BRDT: variants seen among roughly 807,000 people sequenced by gnomAD.
BRDT encodes bromodomain testis associated.
In BRDT, 77 loss-of-function variants were observed where a neutral mutation model predicts 113.9. That is an observed-to-expected ratio of 0.68 (90% CI 0.56 to 0.82). BRDT has a LOEUF of 0.82. BRDT is among the 40% of genes least tolerant of loss of function. BRDT has a pLI of 0.00. For missense variants in BRDT, 1,027 were observed against 1,105.4 expected (o/e 0.93, Z 1.01); for synonymous variants, 358 against 366.5 (o/e 0.98, Z 0.26).
chr1:91,976,295 G>A lies in BRDT; in HGVS notation c.475G>A (p.Ala159Thr), dbSNP rs1684135081. 1 of 1,609,702 alleles carries A rather than the reference G, an allele frequency of 6.2e-7. No homozygotes were observed. The highest frequency in any genetic ancestry group is 8.5e-7 in the Non-Finnish European group (1 of 1,178,676). ...GTQQNIAVSS[A>T]KEKSSPSATE... ...TCAACAGAATATAGCTGTTTCTTCT[G>A]CTAAAGAAAAATCATCACCCAGCGC... is the stretch of plus-strand genomic sequence containing the variant. The change falls in exon 5 of 19, where the codon GCT becomes ACT. Residue 159 changes from alanine (A) to threonine (T), a missense_variant. Physicochemically the swap from Ala to Thr is moderately conservative, Grantham distance 58. Transcript: ENST00000399546.
At chr1:91,982,788 G>T (rs754313127) in intron 12 of BRDT, among the ~76,000 whole-genome samples, 22 of 152,108 alleles carry the variant, frequency 1.4e-4, no homozygotes, top group Non-Finnish European at 2.8e-4. Flanking sequence ...AGAATAAACA[G>T]AATTTTTACT....
intron 18 of BRDT, among the ~76,000 whole-genome samples, chr1:92,009,279 T>G (rs1415938646): frequency 6.6e-6 from 1 of 152,202 alleles, no homozygotes; most frequent in Non-Finnish European, 1.5e-5. Context: ...CCTATGTTGT[T>G]GAAAATGATG....
At chr1:91,968,285 T>C in intron 4 of BRDT, 25 bp downstream of exon 4, 3 of 1,609,370 alleles carry the variant, frequency 1.9e-6, no homozygotes, top group Non-Finnish European at 2.5e-6. Context: ...AAACACTTTA[T>C]GGTTCTCTCT....
intron 8 of BRDT, among the ~76,000 whole-genome samples, chr1:91,980,288 A>G (rs1684591210): frequency 6.6e-6 from 1 of 150,396 alleles, no homozygotes; most frequent in East Asian, 2.0e-4. Flanking sequence ...TGAGCTTAGG[A>G]GGTTGAGGCT....
intron 2 of BRDT, among the ~76,000 whole-genome samples, chr1:91,964,127 C>T (rs1682806827): frequency 6.6e-6 from 1 of 152,184 alleles, no homozygotes; most frequent in Admixed American, 6.5e-5. Flanking sequence ...GTGGCACAAT[C>T]TTGGCTCACT....
chr1:91,965,086 C>CT (rs1340923155), intron 3 of BRDT, among the ~76,000 whole-genome samples: 3 of 151,226 alleles, frequency 2.0e-5, no homozygotes, highest in Non-Finnish European at 3.0e-5. Flanking sequence ...TTTTTTGTAT[C>CT]TTTTTTTAGT....
At chr1:91,960,036 A>G (rs982531022) in intron 1 of BRDT, among the ~76,000 whole-genome samples, 10 of 149,926 alleles carry the variant, frequency 6.7e-5, no homozygotes, top group Admixed American at 5.9e-4. Context: ...TAGTATTAAA[A>G]CAAAACAAAA....
intron 1 of BRDT, among the ~76,000 whole-genome samples, chr1:91,961,806 G>T (rs1682477806): frequency 6.6e-6 from 1 of 151,910 alleles, no homozygotes; most frequent in Non-Finnish European, 1.5e-5. Flanking sequence ...TTCCTGCTAA[G>T]ACCTCAATTT....
At chr1:91,992,064 T>C (rs1367064752) in intron 13 of BRDT, among the ~76,000 whole-genome samples, 200 bp from the exon 14 acceptor site, 2 of 149,724 alleles carry the variant, frequency 1.3e-5, no homozygotes, top group Non-Finnish European at 3.0e-5. Context: ...CTAGCTCAAG[T>C]TGTCATCCTC....
rs1342424983 is a variant in BRDT at position 91,961,459 on chromosome 1, GTC to G, written c.-37-1255_-37-1254del. On this transcript the variant is annotated intron_variant, in intron 1 of 18. Coordinates refer to ENST00000399546, the MANE Select transcript of BRDT (RefSeq NM_207189.4). Reference sequence around the variant, plus strand: ...AGCCGGGCCAACATGTTGAAACCCTGTCTCTACAAAAAAATACAAAAATTAGC... The same window carrying G: ...AGCCGGGCCAACATGTTGAAACCCTGTCTACAAAAAAATACAAAAATTAGC... Among the ~76,000 whole-genome samples the G allele has an allele frequency of 1.6e-4, 25 of 152,080 alleles. 1 individual carries two copies. Among genetic ancestry groups the G allele is most frequent in the Non-Finnish European group, 3.5e-4 (24 of 68,016 alleles).
intron 15 of BRDT, among the ~76,000 whole-genome samples, chr1:91,999,873 C>T (rs180826041): frequency 2.0e-5 from 3 of 152,228 alleles, no homozygotes; most frequent in Admixed American, 1.3e-4. Flanking sequence ...CCCTTTTAGT[C>T]CTCAGATTGT....
intron 4 of BRDT, 94 bp downstream of exon 4, chr1:91,968,354 C>A: frequency 1.4e-6 from 2 of 1,473,420 alleles, no homozygotes; most frequent in Non-Finnish European, 1.8e-6. Flanking sequence ...AGACAGACAT[C>A]CAGAAGTCCT....
In BRDT at chr1:91,995,403, CTGTGTGTGTG is replaced by C. The variant is rs200254179; in HGVS notation, c.2287+1195_2287+1204del. On this transcript the variant is annotated intron_variant, in intron 15 of 18. Transcript: ENST00000399546. The stretch of plus-strand genomic sequence containing the variant: ...TTCAGTTTAAAATCTCCCTACTATT[CTGTGTGTGTG>C]TGTGTGTGTGTGTGTGTGTGTGTGT... 9.6e-3 allele frequency among the ~76,000 whole-genome samples: 1,403 copies of C among 146,822 alleles called. 22 individuals carry two copies. The highest frequency in any genetic ancestry group is 0.029 in the African/African-American group (1,137 of 38,830).
intron 4 of BRDT, among the ~76,000 whole-genome samples, chr1:91,971,146 CTGTGAACTCATAGAG>C (rs1024122306): frequency 8.5e-5 from 13 of 152,098 alleles, no homozygotes; most frequent in African/African-American, 3.1e-4. Flanking sequence ...ACCAGCTCTT[CTGTGAACTCATAGAG>C]TGAGCACTCC....
intron 1 of BRDT, among the ~76,000 whole-genome samples, chr1:91,953,961 T>G (rs1446465643): frequency 1.3e-5 from 2 of 151,680 alleles, no homozygotes; most frequent in South Asian, 2.1e-4. Context: ...CTCCTACCTG[T>G]TTTTTTTGTT....
intron 7 of BRDT, 86 bp downstream of exon 7, chr1:91,978,382 A>C (rs184441644): frequency 1.4e-6 from 2 of 1,480,988 alleles, no homozygotes; most frequent in Non-Finnish European, 1.8e-6. Context: ...GAGATAAAGA[A>C]TAATAACTCC....
chr1:91,994,108 C>T lies in BRDT; in HGVS notation c.2141C>T (p.Thr714Ile). ...TQIGYCVQDT[T>I]SANTTLVHQT... ...ATAGGATATTGTGTGCAAGACACAA[C>T]CTCTGCCAATACTACCCTTGTTCAT... The change falls in exon 15 of 19, where the codon ACC becomes ATC. Residue 714 changes from threonine (T) to isoleucine (I), a missense_variant. Coordinates refer to ENST00000399546, the MANE Select transcript of BRDT (RefSeq NM_207189.4). The T allele has an allele frequency of 6.2e-7, 1 of 1,610,572 alleles. No homozygotes were observed. Among genetic ancestry groups the T allele is most frequent in the African/African-American group, 1.3e-5 (1 of 74,852 alleles).
intron 18 of BRDT, among the ~76,000 whole-genome samples, chr1:92,010,674 T>C (rs1405442474): frequency 6.6e-6 from 1 of 152,182 alleles, no homozygotes; most frequent in East Asian, 1.9e-4. Flanking sequence ...TGTCTGATCT[T>C]CTGTTAACCC....
chr1:91,969,533 T>C (rs1033521605), intron 4 of BRDT, among the ~76,000 whole-genome samples: 4 of 152,150 alleles, frequency 2.6e-5, no homozygotes, highest in Non-Finnish European at 4.4e-5. Context: ...CCTAGGCTTC[T>C]ACAAGAAGAT....
Sources: allele counts gnomAD v4.1 joint callset (sites outside exome capture counted in the v4.1 genomes callset), GRCh38; gene constraint gnomAD v4.1.1; transcripts MANE v1.5; gene names NCBI Gene and HGNC (gene_info 2026-07-23, HGNC 2026-07-21).